The following PRKN variants were observed in gnomAD, a reference collection of about 807,000 sequenced individuals.
The protein encoded by PRKN is E3 ubiquitin-protein ligase parkin.
A neutral mutation model predicts 59.5 loss-of-function variants in PRKN; 56 were observed. That is an observed-to-expected ratio of 0.94 (90% CI 0.76 to 1.18). PRKN has a LOEUF of 1.18. PRKN is among the 50% of genes most tolerant of loss of function. The probability of loss-of-function intolerance (pLI) is 0.00; values close to 1 mark genes in which losing one functional copy is unlikely to be tolerated. For synonymous variants in PRKN, 250 were observed against 222.1 expected (o/e 1.13, Z -1.12); for missense variants, 657 against 596.4 (o/e 1.10, Z -1.06).
chr6:161,570,144 AAAATAT>A (rs1193837042), intron 7 of PRKN, among the ~76,000 whole-genome samples: 1 of 121,806 alleles, frequency 8.2e-6, no homozygotes, highest in Non-Finnish European at 1.6e-5. Context: ...AAAAAAAAAA[AAAATAT>A]ATATATATAT....
At chr6:162,595,043 G>A (rs953634627) in intron 1 of PRKN, among the ~76,000 whole-genome samples, 2 of 151,788 alleles carry the variant, frequency 1.3e-5, no homozygotes, top group East Asian at 2.0e-4. Flanking sequence ...GCACTGTGGC[G>A]GGTGCCTGTA....
At chr6:162,403,490 G>A (rs1562737050) in intron 2 of PRKN, among the ~76,000 whole-genome samples, 2 of 152,230 alleles carry the variant, frequency 1.3e-5, no homozygotes, top group Middle Eastern at 3.4e-3. Flanking sequence ...ATACCACTGT[G>A]CATATCTGAT....
chr6:161,990,593 G>A (rs927696795), intron 5 of PRKN, among the ~76,000 whole-genome samples: 4 of 152,028 alleles, frequency 2.6e-5, no homozygotes, highest in African/African-American at 9.6e-5. Context: ...TGGATCTGGA[G>A]AATTCAATGA....
intron 5 of PRKN, among the ~76,000 whole-genome samples, chr6:162,002,472 T>A (rs1408766231): frequency 6.6e-6 from 1 of 152,114 alleles, no homozygotes; most frequent in Non-Finnish European, 1.5e-5. Context: ...CCTTTCATTG[T>A]TCATGAGATC....
rs140936821 is a variant in PRKN at position 162,402,449 on chromosome 6, C to T, written c.171+40861G>A. On this transcript the variant is annotated intron_variant, in intron 2 of 11. Coordinates refer to ENST00000366898, the MANE Select transcript of PRKN (RefSeq NM_004562.3). ...TCACAGTTGCCCCCCTACTCCCTCA[C>T]GGTAAAACAAATGCAGAAGTCTCAC... Among the ~76,000 whole-genome samples, 528 of 151,982 alleles carry T rather than the reference C, an allele frequency of 3.5e-3. 4 individuals are homozygous for T. Among genetic ancestry groups the T allele is most frequent in the Non-Finnish European group, 5.7e-3 (385 of 67,962 alleles).
At chr6:162,102,951 G>A (rs1382370084) in intron 4 of PRKN, among the ~76,000 whole-genome samples, 3 of 151,186 alleles carry the variant, frequency 2.0e-5, no homozygotes, top group Non-Finnish European at 4.4e-5. Flanking sequence ...GCTGAGGCAG[G>A]AGAATGGCGT....
intron 7 of PRKN, among the ~76,000 whole-genome samples, chr6:161,571,399 C>A (rs1217054564): frequency 1.3e-5 from 2 of 152,162 alleles, no homozygotes. Context: ...TTCTCATATT[C>A]CTCAGCATTG....
At chr6:161,495,125 T>C (rs950921631) in intron 9 of PRKN, among the ~76,000 whole-genome samples, 2 of 152,230 alleles carry the variant, frequency 1.3e-5, no homozygotes, top group African/African-American at 4.8e-5. Flanking sequence ...GTAATCAGCA[T>C]AAAAATTACT....
rs928371704 is a variant in PRKN at position 162,643,095 on chromosome 6, G to A, written c.7+84567C>T. ...GTTGACATAGACATAAAGACACCAC[G>A]GGTAATAAGAAAGAACAAGCAGCCG... On this transcript the variant is annotated intron_variant, in intron 1 of 11. Transcript: ENST00000366898. Among the ~76,000 whole-genome samples the A allele has an allele frequency of 3.9e-5, 6 of 151,954 alleles. No homozygotes were observed. In the East Asian group the frequency reaches 5.8e-4, roughly 15 times the overall value.
rs537433197 is a variant in PRKN at position 161,588,763 on chromosome 6, C to T, written c.872-19347G>A. 3.3e-5 allele frequency among the ~76,000 whole-genome samples: 5 copies of T among 152,206 alleles called. No homozygotes were observed. Among genetic ancestry groups the T allele is most frequent in the African/African-American group, 9.6e-5 (4 of 41,536 alleles). On this transcript the variant is annotated intron_variant, in intron 7 of 11. Coordinates refer to ENST00000366898, the MANE Select transcript of PRKN (RefSeq NM_004562.3). This position sits in a 1 kb window ranked among gnomAD's most constrained non-coding sequence, Gnocchi z 5.0. ...GACACCATCATCTCTAGAAAATAAA[C>T]CCAAAGTGGCTCTTGAGAGAAGGAC...
chr6:162,473,062 C>T (rs1791836830), intron 1 of PRKN, among the ~76,000 whole-genome samples: 1 of 151,878 alleles, frequency 6.6e-6, no homozygotes, highest in Non-Finnish European at 1.5e-5. Flanking sequence ...CTATTCTCTC[C>T]CCTTCATAGT....
chr6:162,427,644 G>GTTTTTTTTTTTTTTTTTTTTT (rs1219394770), intron 2 of PRKN, among the ~76,000 whole-genome samples: 2 of 144,208 alleles, frequency 1.4e-5, no homozygotes, highest in African/African-American at 2.6e-5. Context: ...GTAAATAAAT[G>GTTTTTTTTTTTTTTTTTTTTT]TTTTTTTTTC....
At chr6:162,380,373 G>C (rs935353137) in intron 2 of PRKN, among the ~76,000 whole-genome samples, 5 of 148,586 alleles carry the variant, frequency 3.4e-5, no homozygotes, top group Admixed American at 2.0e-4. Flanking sequence ...GAAAGGAAAT[G>C]TGTACCTGGA....
At position 161,460,484 on chromosome 6, in the gene PRKN, C is replaced by T. The variant is rs901761517; in HGVS notation, c.1084-73607G>A. Among the ~76,000 whole-genome samples the T allele has an allele frequency of 3.9e-5, 6 of 152,052 alleles. No individual in the cohort carries two copies. Among genetic ancestry groups the T allele is most frequent in the Non-Finnish European group, 8.8e-5 (6 of 68,008 alleles). On this transcript the variant is annotated intron_variant, in intron 9 of 11. Transcript: ENST00000366898. This position sits in a 1 kb window ranked among gnomAD's most constrained non-coding sequence, Gnocchi z 5.0. ...AGAAGCAGCATATCAGCAGGAAGGG[C>T]CAGGGGACACTTCTCTGAACCCCCG... is the stretch of plus-strand genomic sequence containing the variant.
chr6:161,350,412 G>C (rs2114826432), intron 11 of PRKN, among the ~76,000 whole-genome samples: 1 of 151,758 alleles, frequency 6.6e-6, no homozygotes, highest in Middle Eastern at 3.4e-3. Context: ...TATTCATTAA[G>C]AAATGAATGA....
At chr6:161,505,607 A>G (rs1446975133) in intron 9 of PRKN, among the ~76,000 whole-genome samples, 1 of 151,954 alleles carries the variant, frequency 6.6e-6, no homozygotes, top group Non-Finnish European at 1.5e-5. Flanking sequence ...GCCCGTGCCT[A>G]TGTCCTGAAT....
chr6:161,369,747 A>AAT lies in PRKN; in HGVS notation c.1168-9544_1168-9543dup, dbSNP rs1423512953. On this transcript the variant is annotated intron_variant, in intron 10 of 11. Transcript: ENST00000366898. The surrounding 1 kb of genome is among the most constrained non-coding windows in gnomAD (Gnocchi z 5.8). ...CATGGCTGAAAATAGCGATTTCATA[A>AAT]ATATATATATGAAACATCTATAATA... 6.6e-5 allele frequency among the ~76,000 whole-genome samples: 10 copies of AAT among 151,512 alleles called. No individual in the cohort carries two copies. The highest frequency in any genetic ancestry group is 2.1e-4 in the South Asian group (1 of 4,786).
intron 1 of PRKN, among the ~76,000 whole-genome samples, chr6:162,621,091 A>G (rs1448715739): frequency 8.4e-5 from 2 of 23,826 alleles, no homozygotes; most frequent in African/African-American, 2.2e-4. Flanking sequence ...TTTCATCAAG[A>G]TATCTCCACA....
At chr6:162,501,940 A>G (rs1364533477) in intron 1 of PRKN, among the ~76,000 whole-genome samples, 1 of 152,140 alleles carries the variant, frequency 6.6e-6, no homozygotes. Context: ...ATATTGATGT[A>G]ATGTGGGAAA....
Sources: allele counts gnomAD v4.1 joint callset (sites outside exome capture counted in the v4.1 genomes callset), GRCh38; gene constraint gnomAD v4.1.1; non-coding constraint Gnocchi (gnomAD v3.1); transcripts MANE v1.5; gene names NCBI Gene and HGNC (gene_info 2026-07-23, HGNC 2026-07-21).